Variants in CALN1 observed in about 807,000 individuals in gnomAD.
CALN1 encodes calneuron 1, also known as calcium-binding protein 8.
CALN1 carries 17 observed loss-of-function variants against 30.6 expected under a neutral mutation model. That is an observed-to-expected ratio of 0.56 (90% CI 0.38 to 0.83). The LOEUF is 0.83. Among genes scored for constraint, CALN1 ranks in the 40% least tolerant of loss-of-function variants. The probability of loss-of-function intolerance (pLI) is 0.00; values close to 1 mark genes in which losing one functional copy is unlikely to be tolerated. For synonymous variants in CALN1, 156 were observed against 131.4 expected, an observed-to-expected ratio of 1.19 and a Z score of -1.28; for missense variants, 291 against 354.9, an observed-to-expected ratio of 0.82 and a Z score of 1.45.
At chr7:72,449,908 T>C (rs988414038), upstream of CALN1, among the ~76,000 whole-genome samples, 38 of 137,522 alleles carry the variant, frequency 2.8e-4, no homozygotes, top group Non-Finnish European at 1.3e-4. Context: ...AAAAAGAATA[T>C]TCGGTCAGCT....
rs541533623 is a variant in CALN1, at chr7:72,192,838, A to G, written c.244+85848T>C. Among the ~76,000 whole-genome samples, 30 of 119,188 alleles carry G rather than the reference A, an allele frequency of 2.5e-4. No homozygotes were observed. In the East Asian group the frequency reaches 3.5e-3, roughly 14 times the overall value. 78.2% of individuals were successfully genotyped at this position (119,188 alleles called of 152,430 possible). A position where few individuals can be genotyped will look rare whatever the true frequency, so the allele number is the denominator to read the frequency against. The stretch of plus-strand genomic sequence containing the variant: ...CCCACAACAGTCCCCAGAGTGTGAT[A>G]TTCCCCTTCCTGTGTCCATGTTAGG... On this transcript the variant is annotated intron_variant, in intron 3 of 6. Coordinates refer to ENST00000395275, the MANE Select transcript of CALN1 (RefSeq NM_031468.4).
chr7:72,207,665 A>G (rs983270482), intron 3 of CALN1, among the ~76,000 whole-genome samples: 1 of 151,794 alleles, frequency 6.6e-6, no homozygotes, highest in African/African-American at 2.4e-5. Flanking sequence ...GCCTTGTAAG[A>G]AGGACATTCT....
At chr7:72,233,278 G>A (rs1349487511) in intron 3 of CALN1, among the ~76,000 whole-genome samples, 1 of 151,384 alleles carries the variant, frequency 6.6e-6, no homozygotes, top group Non-Finnish European at 1.5e-5. Flanking sequence ...TTGGAAGGAG[G>A]AAAAAAAGCA....
chr7:72,345,738 G>A (rs1286335831), intron 2 of CALN1, among the ~76,000 whole-genome samples: 2 of 152,062 alleles, frequency 1.3e-5, no homozygotes, highest in Non-Finnish European at 2.9e-5. Context: ...AAGATTAAGG[G>A]CAAACCAAAA....
At chr7:72,400,299 T>TCC (rs1363754413) in intron 2 of CALN1, among the ~76,000 whole-genome samples, 6 of 152,136 alleles carry the variant, frequency 3.9e-5, no homozygotes, top group African/African-American at 1.4e-4. Flanking sequence ...TGAGCTTGTT[T>TCC]CCCAGGGGAT....
chr7:72,485,086 CA>C, the CALN1 span, among the ~76,000 whole-genome samples: 3 of 151,758 alleles, frequency 2.0e-5, no homozygotes, highest in East Asian at 1.9e-4. Context: ...ACTAAAAATA[CA>C]AAAAAAAATT....
chr7:72,198,573 G>A (rs192021759), intron 3 of CALN1, among the ~76,000 whole-genome samples: 4 of 151,430 alleles, frequency 2.6e-5, no homozygotes, highest in Non-Finnish European at 1.5e-5. Context: ...TCTCTTTCCC[G>A]TCTGCTATAA....
chr7:72,357,779 G>A (rs1303884816), intron 2 of CALN1, among the ~76,000 whole-genome samples: 4 of 149,998 alleles, frequency 2.7e-5, no homozygotes, highest in Non-Finnish European at 5.9e-5. Context: ...GAATTCTGAA[G>A]AAAATGGTCA....
At chr7:72,494,119 G>T in the CALN1 span, among the ~76,000 whole-genome samples, 1 of 152,082 alleles carries the variant, frequency 6.6e-6, no homozygotes, top group Non-Finnish European at 1.5e-5. Flanking sequence ...AAGCCCAGGG[G>T]TTCAAGGCTG....
chr7:72,248,226 T>C (rs1795320505), intron 3 of CALN1, among the ~76,000 whole-genome samples: 1 of 152,186 alleles, frequency 6.6e-6, no homozygotes, highest in Non-Finnish European at 1.5e-5. Context: ...GCAATTCTCC[T>C]GCCTCAGCCT....
chr7:72,329,357 T>C (rs1272515829), intron 2 of CALN1, among the ~76,000 whole-genome samples: 2 of 152,224 alleles, frequency 1.3e-5, no homozygotes, highest in Non-Finnish European at 2.9e-5. Context: ...GGAGACAGGA[T>C]GATCTTTGGA....
intron 2 of CALN1, among the ~76,000 whole-genome samples, chr7:72,304,530 T>G (rs10256020): frequency 0.18 from 27,435 of 152,028 alleles, 3,381 homozygotes; most frequent in East Asian, 0.41. Context: ...TTACTTGGAG[T>G]GATTTCATCC....
At chr7:72,112,723 T>C (rs1004465963) in intron 3 of CALN1, among the ~76,000 whole-genome samples, 2 of 152,210 alleles carry the variant, frequency 1.3e-5, no homozygotes, top group African/African-American at 2.4e-5. Flanking sequence ...TTTACTTATA[T>C]GTCAGGGGCT....
intron 5 of CALN1, among the ~76,000 whole-genome samples, chr7:71,957,856 G>C (rs1378270836): frequency 6.6e-6 from 1 of 151,992 alleles, no homozygotes; most frequent in Non-Finnish European, 1.5e-5. Flanking sequence ...CCTGGGGTCA[G>C]GAGTTCGAGA....
At chr7:71,930,579 G>A (rs968535411) in intron 5 of CALN1, among the ~76,000 whole-genome samples, 2 of 152,100 alleles carry the variant, frequency 1.3e-5, no homozygotes, top group African/African-American at 4.8e-5. Context: ...TTTTGATGAA[G>A]TCCAATTTGC....
chr7:72,199,147 C>T lies in CALN1; in HGVS notation c.244+79539G>A, dbSNP rs556876810. On this transcript the variant is annotated intron_variant, in intron 3 of 6. Transcript: ENST00000395275. ...AAAACTAGCTGGGCGTGGTGGTGGG[C>T]GCCTGTAATCCAAGTTACTTGGGAG... Among the ~76,000 whole-genome samples, 8 of 152,126 alleles carry T rather than the reference C, an allele frequency of 5.3e-5. No homozygotes were observed. The East Asian group carries it at 1.4e-3, about 26-fold the overall frequency.
chr7:72,313,443 G>T (rs2944832), intron 2 of CALN1, among the ~76,000 whole-genome samples: 150,574 of 152,286 alleles, frequency 0.99, 74,459 homozygotes, highest in Middle Eastern at 1. Context: ...CCAGGCTGAA[G>T]TGGAGTGATA....
At chr7:72,183,339 A>G (rs1437074106) in intron 3 of CALN1, among the ~76,000 whole-genome samples, 1 of 152,200 alleles carries the variant, frequency 6.6e-6, no homozygotes, top group Non-Finnish European at 1.5e-5. Flanking sequence ...GGGTAGATGG[A>G]CCAAAAGAGA....
chr7:72,151,436 GTA>G (rs1212738356), intron 3 of CALN1, among the ~76,000 whole-genome samples: 2 of 152,104 alleles, frequency 1.3e-5, no homozygotes, highest in African/African-American at 4.8e-5. Context: ...GATTATCTCA[GTA>G]AAGATCCTAT....
Sources: allele counts gnomAD v4.1 joint callset (sites outside exome capture counted in the v4.1 genomes callset), GRCh38; gene constraint gnomAD v4.1.1; transcripts MANE v1.5; gene names NCBI Gene and HGNC (gene_info 2026-07-23, HGNC 2026-07-21).